SYT6: variants seen among roughly 807,000 people sequenced by gnomAD.
SYT6 encodes synaptotagmin 6.
Under a neutral mutation model 38.4 loss-of-function variants are expected in SYT6, and 24 were observed. The observed-to-expected ratio is 0.62, with a 90% CI of 0.45 to 0.88. SYT6 has a LOEUF of 0.88. Ranked by LOEUF, SYT6 falls within the 40% of genes least tolerant of loss-of-function variation. The pLI is 0.00. For missense variants in SYT6, 611 were observed against 621.0 expected (o/e 0.98, Z 0.17); for synonymous variants, 265 against 241.9 (o/e 1.10, Z -0.89).
intron 3 of SYT6, among the ~76,000 whole-genome samples, chr1:114,110,846 A>G (rs1378338272): frequency 6.6e-6 from 1 of 152,044 alleles, no homozygotes; most frequent in Non-Finnish European, 1.5e-5. Context: ...GCAGTTTTCT[A>G]ACTCCCCCTG....
chr1:114,137,964 GGCTGCTCT>G lies in SYT6; in HGVS notation c.594_601del (p.Glu199HisfsTer9). The G allele has an allele frequency of 6.2e-7, 1 of 1,614,010 alleles. No individual in the cohort carries two copies. The highest frequency in any genetic ancestry group is 8.5e-7 in the Non-Finnish European group (1 of 1,180,006). ...AGGCTTGATGCGGCCAATGCTGGTG[GGCTGCTCT>G]GCTGCTGGTGGAAGCTCATTGCCAT... On this transcript the variant is annotated frameshift_variant, in exon 3 of 8. Transcript: ENST00000610222. LOFTEE classifies it high-confidence loss of function.
intron 3 of SYT6, among the ~76,000 whole-genome samples, chr1:114,122,506 T>TGTGTGTGTGTGTGTGTGTGTGCGCGC (rs60780339): frequency 3.9e-4 from 57 of 147,404 alleles, no homozygotes; most frequent in African/African-American, 7.1e-4. Context: ...TGTGTGTGTG[T>TGTGTGTGTGTGTGTGTGTGTGCGCGC]GCGCGCACAT....
intron 1 of SYT6, among the ~76,000 whole-genome samples, chr1:114,145,833 G>T (rs548199254): frequency 8.3e-4 from 126 of 152,270 alleles, no homozygotes; most frequent in African/African-American, 2.7e-3. Flanking sequence ...AGCATAGAGT[G>T]CATTTAAATG....
intron 3 of SYT6, among the ~76,000 whole-genome samples, chr1:114,108,380 C>T (rs931392992): frequency 1.3e-5 from 2 of 152,124 alleles, no homozygotes; most frequent in African/African-American, 4.8e-5. Context: ...AAAAGAGATC[C>T]TATTTGTGGG....
At chr1:114,109,051 T>C (rs1676510898) in intron 3 of SYT6, among the ~76,000 whole-genome samples, 1 of 152,140 alleles carries the variant, frequency 6.6e-6, no homozygotes, top group Non-Finnish European at 1.5e-5. Flanking sequence ...CCAGTTGGAC[T>C]CCAATGGCTA....
intron 1 of SYT6, among the ~76,000 whole-genome samples, chr1:114,145,767 C>T (rs1679127516): frequency 6.6e-6 from 1 of 152,062 alleles, no homozygotes; most frequent in Non-Finnish European, 1.5e-5. Context: ...ATACATCTTA[C>T]TTGTTCTGGT....
chr1:114,096,986 C>T (rs1675676876), intron 6 of SYT6, among the ~76,000 whole-genome samples: 3 of 152,252 alleles, frequency 2.0e-5, no homozygotes, highest in South Asian at 4.1e-4. Context: ...GATCCTAAGT[C>T]GGTGGGATTC....
chr1:114,090,859 A>T lies in SYT6; in HGVS notation c.*1275T>A, dbSNP rs1557722976. On this transcript the variant is annotated 3_prime_UTR_variant, in exon 8 of 8. Transcript: ENST00000610222. ...AAACAATTTTTTTTTTCCTAAACTGAGTTTGGCCTAAGGTAAAGATCTAAA... is the reference window on the plus strand; with the variant it reads ...AAACAATTTTTTTTTTCCTAAACTGTGTTTGGCCTAAGGTAAAGATCTAAA... 6.5e-6 allele frequency: 1 copy of T among 152,762 alleles called. No individual in the cohort carries two copies. The highest frequency in any genetic ancestry group is 1.5e-5 in the Non-Finnish European group (1 of 68,040). 9.5% of individuals were successfully genotyped at this position (152,762 alleles called of 1,614,324 possible). A position where few individuals can be genotyped will look rare whatever the true frequency, so the allele number is the denominator to read the frequency against.
chr1:114,110,610 C>A (rs1044540311), intron 3 of SYT6, among the ~76,000 whole-genome samples: 1 of 152,116 alleles, frequency 6.6e-6, no homozygotes, highest in Non-Finnish European at 1.5e-5. Flanking sequence ...AAAAGCAGAG[C>A]CCTTTGAGGA....
chr1:114,133,299 C>G (rs892985931), intron 3 of SYT6, among the ~76,000 whole-genome samples: 5 of 152,124 alleles, frequency 3.3e-5, no homozygotes, highest in Non-Finnish European at 7.3e-5. Flanking sequence ...CCAGTTACAG[C>G]CTTTGTCTCC....
In SYT6 at chr1:114,123,639, G is replaced by T. The variant is rs115657825; in HGVS notation, c.1071+13856C>A. On this transcript the variant is annotated intron_variant, in intron 3 of 7. Transcript: ENST00000610222. ...CTTTTGGGTTTTCTTTCTGGTTCTA[G>T]GTGCTCCTTCATGTTCTGTCCCTGC... Among the ~76,000 whole-genome samples the T allele has an allele frequency of 4.7e-4, 71 of 152,240 alleles. 1 individual carries two copies. In the East Asian group the frequency reaches 6.4e-3, roughly 14 times the overall value.
intron 7 of SYT6, among the ~76,000 whole-genome samples, chr1:114,092,336 C>CTG (rs1392496871): frequency 2.3e-4 from 30 of 130,006 alleles, no homozygotes; most frequent in African/African-American, 5.4e-4. Context: ...CTCTCTCTCT[C>CTG]TCTGTGTGTG....
intron 3 of SYT6, among the ~76,000 whole-genome samples, chr1:114,109,733 T>C (rs1248246759): frequency 6.6e-6 from 1 of 152,148 alleles, no homozygotes; most frequent in African/African-American, 2.4e-5. Context: ...CTGTTTGGTT[T>C]GGTCGGTGCA....
At chr1:114,118,094 G>C (rs1677110125) in intron 3 of SYT6, among the ~76,000 whole-genome samples, 3 of 152,314 alleles carry the variant, frequency 2.0e-5, no homozygotes, top group Middle Eastern at 3.4e-3. Flanking sequence ...GTGTGGGAGA[G>C]GGGGACAGGA....
chr1:114,114,253 T>A (rs1175230118), intron 3 of SYT6, among the ~76,000 whole-genome samples: 1 of 152,196 alleles, frequency 6.6e-6, no homozygotes, highest in African/African-American at 2.4e-5. Flanking sequence ...AGAGTGAGTG[T>A]CCCCTTCCAT....
At chr1:114,105,362 G>T (rs543151307) in intron 3 of SYT6, among the ~76,000 whole-genome samples, 14 of 134,902 alleles carry the variant, frequency 1.0e-4, no homozygotes, top group African/African-American at 4.0e-4. Context: ...CAGAGCCTGC[G>T]CTCACCGCAC....
chr1:114,145,955 T>C (rs1679135114), intron 1 of SYT6, among the ~76,000 whole-genome samples: 1 of 152,128 alleles, frequency 6.6e-6, no homozygotes, highest in Non-Finnish European at 1.5e-5. Context: ...TGCCTCTCCA[T>C]GTGACCCCCA....
chr1:114,120,685 C>T (rs1404271137), intron 3 of SYT6, among the ~76,000 whole-genome samples: 1 of 152,222 alleles, frequency 6.6e-6, no homozygotes, highest in Non-Finnish European at 1.5e-5. Flanking sequence ...GATAATTCCT[C>T]CTACCTGCTG....
chr1:114,102,843 C>G (rs1571826095), intron 4 of SYT6, among the ~76,000 whole-genome samples: 1 of 150,414 alleles, frequency 6.6e-6, no homozygotes, highest in East Asian at 2.0e-4. Context: ...GGGAAGGAGG[C>G]TCCCAAGACT....
Sources: gnomAD v4.1 joint callset for allele counts (sites outside exome capture counted in the v4.1 genomes callset) on GRCh38, gnomAD v4.1.1 for gene constraint, MANE v1.5 for transcripts, NCBI Gene and HGNC (gene_info 2026-07-23, HGNC 2026-07-21) for gene names.